The following PRKD1 variants were observed in gnomAD, a reference collection of about 807,000 sequenced individuals.
PRKD1 encodes the protein serine/threonine-protein kinase D1.
In PRKD1, 63 loss-of-function variants were observed where a neutral mutation model predicts 95.9. The ratio of observed to expected loss-of-function variants is 0.66; its 90% CI spans 0.54 to 0.81. PRKD1 has a LOEUF of 0.81. PRKD1 is among the 30% of genes least tolerant of loss of function. The probability of loss-of-function intolerance (pLI) is 0.00; values close to 1 mark genes in which losing one functional copy is unlikely to be tolerated. For missense variants in PRKD1, 1,048 were observed against 1,165.3 expected (o/e 0.90, Z 1.47); for synonymous variants, 425 against 423.1 (o/e 1.00, Z -0.05).
intron 1 of PRKD1, among the ~76,000 whole-genome samples, chr14:29,890,923 TTCTA>T (rs1020256158): frequency 5.9e-5 from 9 of 152,208 alleles, no homozygotes; most frequent in South Asian, 4.1e-4. Context: ...ATTTTGAAAA[TTCTA>T]TCTATCACCA....
chr14:29,837,132 A>G (rs955809920), intron 1 of PRKD1, among the ~76,000 whole-genome samples: 3 of 152,208 alleles, frequency 2.0e-5, no homozygotes, highest in African/African-American at 7.2e-5. Context: ...CACACCATAA[A>G]TAATTCCGAG....
intron 16 of PRKD1, chr14:29,593,994 T>C (rs930499911): frequency 1.5e-5 from 5 of 339,550 alleles, no homozygotes; most frequent in Non-Finnish European, 2.3e-5. Context: ...TGGAGACAAA[T>C]TATAAATGAT....
chr14:29,715,363 C>T (rs1205603339), intron 2 of PRKD1, among the ~76,000 whole-genome samples: 1 of 151,868 alleles, frequency 6.6e-6, no homozygotes, highest in Admixed American at 6.6e-5. Flanking sequence ...CAGCCATTAG[C>T]CACATGTCTC....
At chr14:29,616,084 C>T (rs1041548139) in intron 13 of PRKD1, among the ~76,000 whole-genome samples, 2 of 151,640 alleles carry the variant, frequency 1.3e-5, no homozygotes, top group Non-Finnish European at 2.9e-5. Flanking sequence ...TGGAAATGAG[C>T]TTCAAATGTG....
At chr14:29,735,418 C>T (rs182863896) in intron 1 of PRKD1, among the ~76,000 whole-genome samples, 6 of 152,298 alleles carry the variant, frequency 3.9e-5, no homozygotes, top group African/African-American at 1.4e-4. Flanking sequence ...GATCCTCTTT[C>T]CATATCCTTT....
chr14:29,786,430 T>C (rs1889276702), intron 1 of PRKD1, among the ~76,000 whole-genome samples: 1 of 152,158 alleles, frequency 6.6e-6, no homozygotes, highest in African/African-American at 2.4e-5. Flanking sequence ...AGTTCTTCTT[T>C]ATAAGTTTGG....
chr14:29,860,062 G>A (rs946145723), intron 1 of PRKD1, among the ~76,000 whole-genome samples: 1 of 152,110 alleles, frequency 6.6e-6, no homozygotes, highest in African/African-American at 2.4e-5. Context: ...AGAGACTTAA[G>A]GGCAAAAGGT....
Position 29,638,909 on chromosome 14 carries a change from AT to A in PRKD1, c.697-6del, listed in dbSNP as rs768081020. ...CGACTCTGATGGTGATTTTTGCTAC[AT>A]TTTGGAAAACAATAAAGGAAGCAAG... On this transcript the variant is annotated splice_region_variant and splice_polypyrimidine_tract_variant and intron_variant, in intron 4 of 17. Transcript: ENST00000331968. 1 of 1,613,370 alleles carries A rather than the reference AT, an allele frequency of 6.2e-7. No individual in the cohort carries two copies. The highest frequency in any genetic ancestry group is 8.5e-7 in the Non-Finnish European group (1 of 1,179,354).
At chr14:29,814,146 T>G (rs890068686) in intron 1 of PRKD1, among the ~76,000 whole-genome samples, 3 of 152,230 alleles carry the variant, frequency 2.0e-5, no homozygotes, top group African/African-American at 7.2e-5. Flanking sequence ...TGCAGCTTCA[T>G]TTTAAAGTTA....
intron 13 of PRKD1, among the ~76,000 whole-genome samples, chr14:29,601,319 G>T (rs1275919616): frequency 6.6e-6 from 1 of 152,204 alleles, no homozygotes; most frequent in African/African-American, 2.4e-5. Context: ...TACTTTGCCT[G>T]TTTTGATCTC....
chr14:29,793,214 T>C (rs1467982958), intron 1 of PRKD1, among the ~76,000 whole-genome samples: 2 of 151,882 alleles, frequency 1.3e-5, no homozygotes, highest in Non-Finnish European at 2.9e-5. Flanking sequence ...GAATAGAGAA[T>C]GCAATCGCAC....
intron 16 of PRKD1, among the ~76,000 whole-genome samples, chr14:29,583,494 C>T (rs530230827): frequency 2.6e-5 from 4 of 152,202 alleles, no homozygotes; most frequent in African/African-American, 4.8e-5. Context: ...CCAACCTTTT[C>T]GAAAAGTGGT....
chr14:29,731,867 C>CTT (rs56015138), intron 1 of PRKD1, among the ~76,000 whole-genome samples: 22 of 144,556 alleles, frequency 1.5e-4, no homozygotes, highest in African/African-American at 4.9e-4. Flanking sequence ...ACAATCTCTA[C>CTT]TTTTTTTTTT....
intron 1 of PRKD1, among the ~76,000 whole-genome samples, chr14:29,746,045 G>A (rs1291678003): frequency 1.3e-5 from 2 of 152,070 alleles, no homozygotes; most frequent in African/African-American, 2.4e-5. Flanking sequence ...TTCCTACAGA[G>A]GTTACAGCTC....
Position 29,641,881 on chromosome 14 carries a change from T to A in PRKD1, c.697-2977A>T, listed in dbSNP as rs1880790508. 2.0e-5 allele frequency among the ~76,000 whole-genome samples: 3 copies of A among 150,534 alleles called. No homozygotes were observed. The South Asian group carries it at 6.3e-4, about 32-fold the overall frequency. On this transcript the variant is annotated intron_variant, in intron 4 of 17. Transcript: ENST00000331968. ...CACCCTTTCTGTAATCCTGCCATCA[T>A]CCCTTTAAAAATATTTCTTTTTTTT...
At chr14:29,877,034 C>G (rs1444693192) in intron 1 of PRKD1, among the ~76,000 whole-genome samples, 2 of 152,044 alleles carry the variant, frequency 1.3e-5, no homozygotes, top group African/African-American at 4.8e-5. Context: ...TGCCTGTAAC[C>G]CCAACTACTC....
intron 1 of PRKD1, among the ~76,000 whole-genome samples, chr14:29,729,176 G>C (rs920942561): frequency 6.6e-6 from 1 of 152,058 alleles, no homozygotes; most frequent in Non-Finnish European, 1.5e-5. Flanking sequence ...TTCAAGGTAA[G>C]TTTTGAATAG....
intron 2 of PRKD1, among the ~76,000 whole-genome samples, chr14:29,692,210 A>ATTT (rs71108493): frequency 0.014 from 2,086 of 148,592 alleles, 51 homozygotes; most frequent in African/African-American, 0.048. Flanking sequence ...CTTCCTGTTC[A>ATTT]TTTTTTTTTT....
intron 1 of PRKD1, among the ~76,000 whole-genome samples, chr14:29,872,002 A>G (rs1893125205): frequency 6.6e-6 from 1 of 152,196 alleles, no homozygotes; most frequent in Non-Finnish European, 1.5e-5. Flanking sequence ...GGAAAATGTC[A>G]TTTTCAGTTT....
Sources: allele counts gnomAD v4.1 joint callset (sites outside exome capture counted in the v4.1 genomes callset), GRCh38; gene constraint gnomAD v4.1.1; transcripts MANE v1.5; gene names NCBI Gene and HGNC (gene_info 2026-07-23, HGNC 2026-07-21).